The following AVIL variants were observed in gnomAD, a reference collection of about 807,000 sequenced individuals.
AVIL encodes advillin.
In AVIL, 78 loss-of-function variants were observed where a neutral mutation model predicts 109.9. That is an observed-to-expected ratio of 0.71 (90% CI 0.59 to 0.86). The LOEUF is 0.86. Among genes scored for constraint, AVIL ranks in the 40% least tolerant of loss-of-function variants. The pLI is 0.00. For synonymous variants in AVIL, 367 were observed against 379.1 expected, an observed-to-expected ratio of 0.97 and a Z score of 0.37; for missense variants, 892 against 1,016.5, an observed-to-expected ratio of 0.88 and a Z score of 1.67.
chr12:57,810,745 T>C (rs1022014277), intron 6 of AVIL, 71 bp downstream of exon 6: 1 of 1,535,088 alleles, frequency 6.5e-7, no homozygotes, highest in Non-Finnish European at 9.0e-7. Flanking sequence ...ACCTTGATTC[T>C]TGGGGAAGAG....
At chr12:57,808,128 T>C in intron 11 of AVIL, 66 bp downstream of exon 11, 1 of 1,549,472 alleles carries the variant, frequency 6.5e-7, no homozygotes, top group Non-Finnish European at 8.9e-7. Flanking sequence ...CCTGCACCCC[T>C]GCCCCCAGCA....
rs756883725 is a variant in AVIL, at chr12:57,811,021, C to A, written c.445G>T (p.Glu149Ter). Reference sequence around the variant, plus strand: ...GGCAGAGAGTGTGCAGGACTAACCTCGGTAGCCCTGATGTTTCTTTTCCCT... The same window carrying A: ...GGCAGAGAGTGTGCAGGACTAACCTAGGTAGCCCTGATGTTTCTTTTCCCT... The part of the protein sequence containing the change: ...VKGKRNIRAT[E>*]VEMSWDSFNR... Residue 149 changes from glutamate to a stop codon, truncating the protein, a stop_gained and splice_region_variant, in exon 5 of 20, where the codon GAG becomes TAG. Transcript: ENST00000549994. LOFTEE classifies it high-confidence loss of function. 1.2e-6 allele frequency: 2 copies of A among 1,614,040 alleles called. No homozygotes were observed. Among genetic ancestry groups the A allele is most frequent in the South Asian group, 1.1e-5 (1 of 91,084 alleles).
In AVIL at chr12:57,809,837, A is replaced by G. The variant is rs1956012031; in HGVS notation, c.815T>C (p.Leu272Pro). 1 of 1,614,252 alleles carries G rather than the reference A, an allele frequency of 6.2e-7. No individual in the cohort carries two copies. Among genetic ancestry groups the G allele is most frequent in the Non-Finnish European group, 8.5e-7 (1 of 1,180,040 alleles). The change falls in exon 8 of 20, where the codon CTG becomes CCG. Residue 272 changes from leucine (L) to proline (P), a missense_variant. Leu to Pro is a moderately conservative substitution (Grantham distance 98). Transcript: ENST00000549994. ...ATCATGGTTCAGTAAGTCCTGGACC[A>G]GAGGCCTTGTTGCTACCTCTGTGAC... is the stretch of plus-strand genomic sequence containing the variant. Reference protein sequence around the residue: ...LAVTEVATRPLVQDLLNHDDC... With the variant: ...LAVTEVATRPPVQDLLNHDDC...
In AVIL at chr12:57,813,224, C is replaced by G; in HGVS notation, c.338+3G>C. On this transcript the variant is annotated splice_donor_region_variant and intron_variant, in intron 4 of 19. Transcript: ENST00000549994. ...TGTCCTTGCTCTGTGCACCCCTACT[C>G]ACATGATGCCCTGCTTGAAGTAGCC... The G allele has an allele frequency of 6.2e-7, 1 of 1,610,244 alleles. No individual in the cohort carries two copies. The highest frequency in any genetic ancestry group is 8.5e-7 in the Non-Finnish European group (1 of 1,177,036).
chr12:57,810,507 G>C lies in AVIL; in HGVS notation c.603C>G (p.Gly201=). 1 of 1,614,004 alleles carries C rather than the reference G, an allele frequency of 6.2e-7. No individual in the cohort carries two copies. Among genetic ancestry groups the C allele is most frequent in the Non-Finnish European group, 8.5e-7 (1 of 1,180,010 alleles). Residue 201 remains glycine (G), a synonymous_variant, in exon 7 of 20, where the codon GGC becomes GGG. Transcript: ENST00000549994. ...CCTCGATCACTCCTATTTTAGCACG[G>C]CCCCCTCGCTCCCTGTCTCGAATAT... The part of the protein sequence containing the change: ...AKDIRDRERG[G]RAKIGVIEGD...
chr12:57,808,184 T>G lies in AVIL; in HGVS notation c.1194+10A>C, dbSNP rs778112357. ...GCTGTCTGCCCTGACATTTGAATCA[T>G]TGGGCTTACCTCAACTTTTCCGTTG... On this transcript the variant is annotated intron_variant, in intron 11 of 19. Transcript: ENST00000549994. 1 of 1,613,580 alleles carries G rather than the reference T, an allele frequency of 6.2e-7. No individual in the cohort carries two copies. Among genetic ancestry groups the G allele is most frequent in the Admixed American group, 1.7e-5 (1 of 60,012 alleles).
chr12:57,816,347 T>A lies in AVIL; in HGVS notation c.-19-288A>T. On this transcript the variant is annotated intron_variant, in intron 1 of 19. Transcript: ENST00000549994. ...ATTTACCAAAGGGGTGATAAATATG[T>A]TAAGCCCTGTATTGATTCACTTTGC... is the stretch of plus-strand genomic sequence containing the variant. The A allele has an allele frequency of 2.8e-5, 9 of 320,974 alleles. No individual in the cohort carries two copies. The South Asian group carries it at 3.6e-4, about 13-fold the overall frequency. 19.9% of individuals were successfully genotyped at this position (320,974 alleles called of 1,614,324 possible).
intron 14 of AVIL, among the ~76,000 whole-genome samples, chr12:57,804,610 G>T (rs944681491): frequency 2.6e-5 from 4 of 152,068 alleles, no homozygotes; most frequent in Non-Finnish European, 2.9e-5. Context: ...TCAGGAGTTC[G>T]AGAGCAGCCT....
intron 6 of AVIL, 32 bp downstream of exon 6, chr12:57,810,784 C>T: frequency 6.3e-7 from 1 of 1,599,850 alleles, no homozygotes; most frequent in South Asian, 1.1e-5. Context: ...GAAAGAGGAA[C>T]TTGAGAAAGT....
intron 9 of AVIL, 50 bp downstream of exon 9, chr12:57,809,547 G>A (rs1437937135): frequency 1.3e-6 from 2 of 1,595,036 alleles, no homozygotes; most frequent in Admixed American, 1.7e-5. Flanking sequence ...CACACCTGAA[G>A]TGCTCTTAGC....
Position 57,815,813 on chromosome 12 carries a change from A to G in AVIL, c.66+162T>C, listed in dbSNP as rs955628638. 12 of 1,508,528 alleles carry G rather than the reference A, an allele frequency of 8.0e-6. No homozygotes were observed. In the Admixed American group the frequency reaches 1.6e-4, roughly 21 times the overall value. The allele number at this position is 1,508,528 out of a possible 1,614,324, so 93.4% of individuals were successfully genotyped here. A position where few individuals can be genotyped will look rare whatever the true frequency, so the allele number is the denominator to read the frequency against. Reference sequence around the variant, plus strand: ...TGCCAACCACCTGCTTTGAGCACCCAGGAGAGGTGAAGGATGGGAAATAGG... The same window carrying G: ...TGCCAACCACCTGCTTTGAGCACCCGGGAGAGGTGAAGGATGGGAAATAGG... On this transcript the variant is annotated intron_variant, in intron 2 of 19. Transcript: ENST00000549994.
At chr12:57,818,174 A>C in intron 1 of AVIL, among the ~76,000 whole-genome samples, 1 of 92,978 alleles carries the variant, frequency 1.1e-5, no homozygotes, top group African/African-American at 3.5e-5. Flanking sequence ...GTGCACCACC[A>C]TGCTTGGCTT....
At chr12:57,813,155 G>A in intron 4 of AVIL, 72 bp downstream of exon 4, 1 of 1,469,502 alleles carries the variant, frequency 6.8e-7, no homozygotes, top group Non-Finnish European at 9.3e-7. Flanking sequence ...TCTTGATAAT[G>A]CATGTTGGCC....
rs769585334 is a variant in AVIL at position 57,810,529 on chromosome 12, A to G, written c.581T>C (p.Ile194Thr). The change falls in exon 7 of 20, where the codon ATT becomes ACT. Residue 194 changes from isoleucine (I) to threonine (T), a missense_variant. Transcript: ENST00000549994. ...ACGGCCCCCTCGCTCCCTGTCTCGA[A>G]TATCCTTTGCCAGAAGCATAGCCTG... ...RLKAMLLAKD[I>T]RDRERGGRAK... The G allele has an allele frequency of 4.3e-6, 7 of 1,613,638 alleles. No individual in the cohort carries two copies. Among genetic ancestry groups the G allele is most frequent in the Admixed American group, 1.7e-5 (1 of 59,996 alleles).
chr12:57,807,672 A>G lies in AVIL; in HGVS notation c.1250T>C (p.Phe417Ser), dbSNP rs1208718426. The change falls in exon 12 of 20, where the codon TTC (phenylalanine) becomes TCC (serine). Residue 417 changes from phenylalanine to serine, a missense_variant. Physicochemically the swap from Phe to Ser is radical, Grantham distance 155. Transcript: ENST00000549994. ...LVPVEYQWYG[F>S]FYGGDCYLVL... ...CAGATAACAGTCTCCCCCATAAAAG[A>G]AGCCATACCATTGATACTCCACAGG... The G allele has an allele frequency of 1.2e-6, 2 of 1,614,016 alleles. No individual in the cohort carries two copies. Among genetic ancestry groups the G allele is most frequent in the East Asian group, 2.2e-5 (1 of 44,904 alleles).
chr12:57,802,390 C>T (rs923796326), intron 16 of AVIL, 42 bp from the exon 17 acceptor site: 185 of 1,557,642 alleles, frequency 1.2e-4, no homozygotes, highest in Non-Finnish European at 1.6e-4. Context: ...GTGTTCATAC[C>T]AAGGACTAAG....
chr12:57,801,700 A>G (rs1955851668), intron 17 of AVIL, among the ~76,000 whole-genome samples: 1 of 152,162 alleles, frequency 6.6e-6, no homozygotes, highest in Non-Finnish European at 1.5e-5. Flanking sequence ...AGATTGTGCC[A>G]TTACACTCCA....
At position 57,804,971 on chromosome 12, in the gene AVIL, T is replaced by A. The variant is rs191112072; in HGVS notation, c.1672-1302A>T. Among the ~76,000 whole-genome samples the A allele has an allele frequency of 3.3e-3, 510 of 152,372 alleles. 13 individuals are homozygous for A. The South Asian group carries it at 0.064, about 19-fold the overall frequency. Reference sequence around the variant, plus strand: ...ACCATTCTAATAGATGTGTAGTGGTTATCTCATTGATTTTGATTTGCATCT... The same window carrying A: ...ACCATTCTAATAGATGTGTAGTGGTAATCTCATTGATTTTGATTTGCATCT... On this transcript the variant is annotated intron_variant, in intron 14 of 19. Coordinates refer to ENST00000549994, the MANE Select transcript of AVIL (RefSeq NM_006576.4).
intron 17 of AVIL, 70 bp downstream of exon 17, chr12:57,802,090 C>T: frequency 1.3e-6 from 2 of 1,533,174 alleles, no homozygotes; most frequent in Admixed American, 1.7e-5. Flanking sequence ...CAGTACTCCA[C>T]CTTCCTGCCC....
Sources: allele counts gnomAD v4.1 joint callset (sites outside exome capture counted in the v4.1 genomes callset), GRCh38; gene constraint gnomAD v4.1.1; transcripts MANE v1.5; gene names NCBI Gene and HGNC (gene_info 2026-07-23, HGNC 2026-07-21).